Variants in SPATA31F3 observed in about 807,000 individuals in gnomAD.
The protein encoded by SPATA31F3 is protein SPATA31F3.
the SPATA31F3 span, among the ~76,000 whole-genome samples, chr9:34,891,113 TC>T: frequency 6.6e-6 from 1 of 152,168 alleles, no homozygotes; most frequent in East Asian, 1.9e-4. Context: ...CTCAGTGGCT[TC>T]CTGGGACAGG....
chr9:34,889,611 T>C, the SPATA31F3 span: 3 of 398,490 alleles, frequency 7.5e-6, no homozygotes, highest in Non-Finnish European at 8.8e-6. Context: ...CTTCATCTTG[T>C]TATCCAAGCC....
the SPATA31F3 span, chr9:34,894,905 A>C: frequency 5.0e-6 from 2 of 396,922 alleles, no homozygotes; most frequent in Non-Finnish European, 8.9e-6. Context: ...TTCCATGAGA[A>C]ATTGTCCCTG....
chr9:34,892,952 T>C, the SPATA31F3 span: 2 of 688,654 alleles, frequency 2.9e-6, no homozygotes, highest in Non-Finnish European at 5.3e-6. Flanking sequence ...ATCCTGACTA[T>C]GCTTAAAAGA....
the SPATA31F3 span, chr9:34,892,825 G>A: frequency 3.1e-5 from 21 of 682,772 alleles, no homozygotes; most frequent in Admixed American, 2.5e-4. Flanking sequence ...AATCTTGGAC[G>A]CTGTCTGCAC....
chr9:34,895,377 G>A, the SPATA31F3 span, among the ~76,000 whole-genome samples: 1 of 152,200 alleles, frequency 6.6e-6, no homozygotes, highest in East Asian at 1.9e-4. Context: ...AAGGATGGAT[G>A]GGTCCAGAAG....
the SPATA31F3 span, chr9:34,892,649 G>C: frequency 2.2e-6 from 1 of 456,194 alleles, no homozygotes; most frequent in African/African-American, 2.0e-5. Flanking sequence ...AGTATTCAAG[G>C]GCTGCTGACC....
At chr9:34,892,956 TA>T in the SPATA31F3 span, 2 of 693,172 alleles carry the variant, frequency 2.9e-6, no homozygotes, top group Non-Finnish European at 2.6e-6. Flanking sequence ...TGACTATGCT[TA>T]AAAGACACAC....
chr9:34,891,246 C>T, the SPATA31F3 span, among the ~76,000 whole-genome samples: 32 of 152,098 alleles, frequency 2.1e-4, no homozygotes, highest in African/African-American at 7.7e-4. Flanking sequence ...GTGTCACTTC[C>T]AGGTCCAGGT....
chr9:34,891,572 G>C, the SPATA31F3 span, among the ~76,000 whole-genome samples: 3 of 152,166 alleles, frequency 2.0e-5, no homozygotes, highest in Non-Finnish European at 4.4e-5. Flanking sequence ...CAGGTCACAG[G>C]ATGAACTGGA....
chr9:34,891,988 C>T, the SPATA31F3 span, among the ~76,000 whole-genome samples: 1 of 152,140 alleles, frequency 6.6e-6, no homozygotes. Context: ...TTAATTAGTA[C>T]AGAGGTGAAG....
chr9:34,892,748 G>T, the SPATA31F3 span: 3 of 478,586 alleles, frequency 6.3e-6, no homozygotes, highest in South Asian at 1.3e-4. Context: ...TGAAGACAGA[G>T]ATCCCATGAC....
At chr9:34,895,608 T>C in the SPATA31F3 span, 3 of 399,080 alleles carry the variant, frequency 7.5e-6, no homozygotes, top group Non-Finnish European at 1.3e-5. Flanking sequence ...GGTACCAAGC[T>C]TAATTTTTGG....
the SPATA31F3 span, among the ~76,000 whole-genome samples, chr9:34,890,583 T>G: frequency 6.6e-6 from 1 of 152,218 alleles, no homozygotes; most frequent in Non-Finnish European, 1.5e-5. Flanking sequence ...GTCCAACCCC[T>G]TCTGGATCTG....
chr9:34,891,502 T>C, the SPATA31F3 span, among the ~76,000 whole-genome samples: 1 of 152,214 alleles, frequency 6.6e-6, no homozygotes, highest in East Asian at 1.9e-4. Flanking sequence ...TGGTGCTGCA[T>C]GCTGGGAAGA....
the SPATA31F3 span, chr9:34,895,218 T>G: frequency 2.5e-6 from 1 of 396,936 alleles, no homozygotes; most frequent in Non-Finnish European, 4.4e-6. Context: ...CTTTCCTTTC[T>G]GTATTCTTTT....
At chr9:34,895,362 G>C in the SPATA31F3 span, among the ~76,000 whole-genome samples, 1 of 152,142 alleles carries the variant, frequency 6.6e-6, no homozygotes, top group African/African-American at 2.4e-5. Flanking sequence ...AAGTGGAACA[G>C]ATTAAAGGAT....
At chr9:34,895,124 A>AT in the SPATA31F3 span, 6 of 398,004 alleles carry the variant, frequency 1.5e-5, no homozygotes, top group African/African-American at 4.1e-5. Context: ...CTGCTACACC[A>AT]TTTTTTCCCA....
the SPATA31F3 span, chr9:34,889,645 T>A: frequency 2.5e-6 from 1 of 398,580 alleles, no homozygotes; most frequent in Non-Finnish European, 4.4e-6. Flanking sequence ...TCTGGAAGGA[T>A]GATGCTCTTG....
the SPATA31F3 span, chr9:34,895,581 G>A: frequency 2.0e-4 from 78 of 398,686 alleles, no homozygotes; most frequent in East Asian, 2.0e-3. Context: ...TTCCCTACCC[G>A]GCAACAGCTC....
Sources: gnomAD v4.1 joint callset for allele counts (sites outside exome capture counted in the v4.1 genomes callset) on GRCh38, gnomAD v4.1.1 for gene constraint, MANE v1.5 for transcripts, NCBI Gene and HGNC (gene_info 2026-07-23, HGNC 2026-07-21) for gene names.